ANKIB1: variants seen among roughly 807,000 people sequenced by gnomAD.
ANKIB1 encodes ankyrin repeat and IBR domain-containing protein 1.
Under a neutral mutation model 122.1 loss-of-function variants are expected in ANKIB1, and 43 were observed. The observed-to-expected ratio is 0.35, with a 90% CI of 0.28 to 0.45. The LOEUF is 0.45. ANKIB1 is among the 20% of genes least tolerant of loss of function. ANKIB1 has a pLI of 1.00. For missense variants in ANKIB1, 992 were observed against 1,329.5 expected (o/e 0.75, Z 3.95); for synonymous variants, 390 against 442.0 (o/e 0.88, Z 1.48).
chr7:92,360,520 C>G (rs1803918874), intron 9 of ANKIB1, among the ~76,000 whole-genome samples: 1 of 152,090 alleles, frequency 6.6e-6, no homozygotes, highest in Non-Finnish European at 1.5e-5. Context: ...GTTGTTTCCC[C>G]CTTTTAGCTG....
chr7:92,260,404 G>A (rs1206483005), intron 1 of ANKIB1, among the ~76,000 whole-genome samples: 4 of 152,098 alleles, frequency 2.6e-5, no homozygotes, highest in Non-Finnish European at 4.4e-5. Context: ...CTTTGGGCTT[G>A]GCCGGTGGCT....
intron 3 of ANKIB1, among the ~76,000 whole-genome samples, chr7:92,309,235 C>G (rs1378746350): frequency 6.6e-6 from 1 of 152,126 alleles, no homozygotes; most frequent in Non-Finnish European, 1.5e-5. Flanking sequence ...AACTATTTTT[C>G]AAGCAATACT....
intron 4 of ANKIB1, among the ~76,000 whole-genome samples, chr7:92,321,581 A>G (rs1277299143): frequency 6.6e-6 from 1 of 152,226 alleles, no homozygotes; most frequent in Non-Finnish European, 1.5e-5. Flanking sequence ...TAAAGAAATT[A>G]TAACACAGTA....
At position 92,252,288 on chromosome 7, in the gene ANKIB1, T is replaced by G. The variant is rs1391719836; in HGVS notation, c.-91+5769T>G. ...AGCTTTGGTGGGTGTCATTGATGAC[T>G]CCCACCTGAATTAACCACTCTTATG... On this transcript the variant is annotated intron_variant, in intron 1 of 19. Coordinates refer to ENST00000265742, the MANE Select transcript of ANKIB1 (RefSeq NM_019004.2). 5.3e-5 allele frequency among the ~76,000 whole-genome samples: 8 copies of G among 152,168 alleles called. No homozygotes were observed. The East Asian group carries it at 1.5e-3, about 29-fold the overall frequency.
chr7:92,259,706 A>G (rs1801520242), intron 1 of ANKIB1, among the ~76,000 whole-genome samples: 1 of 152,068 alleles, frequency 6.6e-6, no homozygotes, highest in African/African-American at 2.4e-5. Context: ...AAGCTTCTCA[A>G]ATGTAACTTG....
intron 2 of ANKIB1, among the ~76,000 whole-genome samples, chr7:92,298,154 A>G (rs1485172978): frequency 6.6e-6 from 1 of 152,138 alleles, no homozygotes; most frequent in Non-Finnish European, 1.5e-5. Context: ...TGTAAATATT[A>G]TAAATACAGT....
In ANKIB1 at chr7:92,252,654, T is replaced by A. The variant is rs573931655; in HGVS notation, c.-91+6135T>A. Among the ~76,000 whole-genome samples the A allele has an allele frequency of 2.0e-5, 3 of 152,292 alleles. No homozygotes were observed. In the South Asian group the frequency reaches 6.2e-4, roughly 32 times the overall value. On this transcript the variant is annotated intron_variant, in intron 1 of 19. Coordinates refer to ENST00000265742, the MANE Select transcript of ANKIB1 (RefSeq NM_019004.2). ...TGGATTTCAATTTTGTGAAATGTGT[T>A]CTGATTTGTTGCTATTGTTATTTAT...
In ANKIB1 at chr7:92,342,255, A is replaced by C. The variant is rs184081290; in HGVS notation, c.788-769A>C. Among the ~76,000 whole-genome samples, 4 of 152,186 alleles carry C rather than the reference A, an allele frequency of 2.6e-5. No individual in the cohort carries two copies. The South Asian group carries it at 8.3e-4, about 31-fold the overall frequency. On this transcript the variant is annotated intron_variant, in intron 5 of 19. Coordinates refer to ENST00000265742, the MANE Select transcript of ANKIB1 (RefSeq NM_019004.2). ...TTGGACAAGTTATATAACTTCCTTC[A>C]GTCTTGATTTCTTCGCCTAAATAAT...
chr7:92,359,825 A>G (rs978008587), intron 9 of ANKIB1, among the ~76,000 whole-genome samples: 4 of 152,176 alleles, frequency 2.6e-5, no homozygotes, highest in African/African-American at 9.7e-5. Flanking sequence ...CAGAGTGGTA[A>G]TAGCACACTA....
chr7:92,325,016 T>C (rs1357439193), intron 4 of ANKIB1, among the ~76,000 whole-genome samples: 2 of 152,218 alleles, frequency 1.3e-5, no homozygotes, highest in African/African-American at 4.8e-5. Flanking sequence ...AGAGATTTCT[T>C]AAATGAGGTA....
intron 1 of ANKIB1, among the ~76,000 whole-genome samples, chr7:92,282,846 A>G (rs79749467): frequency 0.087 from 13,239 of 152,232 alleles, 821 homozygotes; most frequent in East Asian, 0.35. Flanking sequence ...TGTGATCATT[A>G]TAGGTAATTG....
intron 1 of ANKIB1, among the ~76,000 whole-genome samples, chr7:92,284,002 C>T (rs1802062376): frequency 6.6e-6 from 1 of 152,148 alleles, no homozygotes; most frequent in South Asian, 2.1e-4. Context: ...ATCTCCTGAC[C>T]TCGTGATCTG....
At chr7:92,320,847 C>T (rs1319952175) in intron 4 of ANKIB1, among the ~76,000 whole-genome samples, 1 of 152,022 alleles carries the variant, frequency 6.6e-6, no homozygotes, top group Non-Finnish European at 1.5e-5. Context: ...AATGATTTTT[C>T]GTTGTACTTA....
At chr7:92,319,714 G>A (rs1057123315) in intron 4 of ANKIB1, 3 of 538,056 alleles carry the variant, frequency 5.6e-6, no homozygotes, top group Non-Finnish European at 9.4e-6. Context: ...AGTGCTTTGG[G>A]AGGCCAAGGC....
At chr7:92,339,040 C>CTTTTTT (rs1209380092) in intron 5 of ANKIB1, among the ~76,000 whole-genome samples, 2 of 64,858 alleles carry the variant, frequency 3.1e-5, no homozygotes, top group African/African-American at 1.3e-4. Flanking sequence ...CTTGAATTTT[C>CTTTTTT]TTTTTTTTTT....
intron 1 of ANKIB1, among the ~76,000 whole-genome samples, chr7:92,264,054 T>C (rs1483936669): frequency 1.3e-5 from 2 of 152,202 alleles, no homozygotes; most frequent in Non-Finnish European, 2.9e-5. Context: ...TTGCACAGTG[T>C]TCCATTGTAT....
At chr7:92,331,268 C>CT (rs1438187815) in intron 5 of ANKIB1, among the ~76,000 whole-genome samples, 5,318 of 135,728 alleles carry the variant, frequency 0.039, 313 homozygotes, top group African/African-American at 0.13. Context: ...AACATCACTT[C>CT]TTTTTTTTTT....
At chr7:92,277,362 T>G (rs1801925833) in intron 1 of ANKIB1, among the ~76,000 whole-genome samples, 1 of 152,192 alleles carries the variant, frequency 6.6e-6, no homozygotes, top group Admixed American at 6.5e-5. Context: ...TTTTTTGACT[T>G]GGTTTACAGG....
At chr7:92,372,426 T>G (rs1303903263) in intron 11 of ANKIB1, among the ~76,000 whole-genome samples, 1 of 152,150 alleles carries the variant, frequency 6.6e-6, no homozygotes, top group Non-Finnish European at 1.5e-5. Flanking sequence ...TTCTCAGATT[T>G]TGGTGTTTGC....
Sources: gnomAD v4.1 joint callset for allele counts (sites outside exome capture counted in the v4.1 genomes callset) on GRCh38, gnomAD v4.1.1 for gene constraint, MANE v1.5 for transcripts, NCBI Gene and HGNC (gene_info 2026-07-23, HGNC 2026-07-21) for gene names.